Variants in DOCK2 observed in about 807,000 individuals in gnomAD.
DOCK2 encodes dedicator of cytokinesis protein 2.
DOCK2 carries 87 observed loss-of-function variants against 248.9 expected under a neutral mutation model. That is an observed-to-expected ratio of 0.35 (90% CI 0.29 to 0.42). DOCK2 has a LOEUF of 0.42. Among genes scored for constraint, DOCK2 ranks in the 10% least tolerant of loss-of-function variants. The pLI is 1.00. For missense variants in DOCK2, 1,747 were observed against 2,300.2 expected (o/e 0.76, Z 4.92); for synonymous variants, 805 against 821.6 (o/e 0.98, Z 0.35).
Position 169,846,607 on chromosome 5 carries a change from T to C in DOCK2, c.2799+5755T>C, listed in dbSNP as rs200826183. Among the ~76,000 whole-genome samples, 5 of 74,840 alleles carry C rather than the reference T, an allele frequency of 6.7e-5. No individual in the cohort carries two copies. In the East Asian group the frequency reaches 2.2e-3, roughly 32 times the overall value. 49.1% of individuals were successfully genotyped at this position (74,840 alleles called of 152,430 possible). A position where few individuals can be genotyped will look rare whatever the true frequency, so the allele number is the denominator to read the frequency against. ...GTGTATATATATATATACACACACATATACACACACACACACATATATACA... is the reference window on the plus strand; with the variant it reads ...GTGTATATATATATATACACACACACATACACACACACACACATATATACA... On this transcript the variant is annotated intron_variant, in intron 27 of 51. Coordinates refer to ENST00000520908, the MANE Select transcript of DOCK2 (RefSeq NM_004946.3).
chr5:169,712,007 T>C lies in DOCK2; in HGVS notation c.1555T>C (p.Ser519Pro), dbSNP rs1450770032. ...GTTTCGACATCGGTCATCTCTGGAA[T>C]GTGAGTACCATACTGAATGGCATCT... ...FMFRHRSSLE[S>P]KDKGEKNFAM... The change falls in exon 16 of 52, where the codon TCT (serine) becomes CCT (proline). Residue 519 changes from serine (S) to proline (P), a missense_variant and splice_region_variant. Ser to Pro is a moderately conservative substitution (Grantham distance 74). Coordinates refer to ENST00000520908, the MANE Select transcript of DOCK2 (RefSeq NM_004946.3). 1 of 1,614,130 alleles carries C rather than the reference T, an allele frequency of 6.2e-7. No homozygotes were observed. Among genetic ancestry groups the C allele is most frequent in the Admixed American group, 1.7e-5 (1 of 60,024 alleles).
chr5:169,733,033 G>C (rs1581112146), intron 22 of DOCK2, among the ~76,000 whole-genome samples: 1 of 152,034 alleles, frequency 6.6e-6, no homozygotes, highest in Admixed American at 6.5e-5. Flanking sequence ...CAATAATTAT[G>C]TCTGTTATGA....
intron 25 of DOCK2, among the ~76,000 whole-genome samples, chr5:169,789,774 T>C (rs1306772171): frequency 2.0e-5 from 3 of 152,226 alleles, no homozygotes; most frequent in Non-Finnish European, 4.4e-5. Flanking sequence ...AGCCCCTGCC[T>C]CAAGTCTGTC....
chr5:169,965,049 G>A (rs1194909329), intron 27 of DOCK2, among the ~76,000 whole-genome samples: 1 of 152,200 alleles, frequency 6.6e-6, no homozygotes, highest in South Asian at 2.1e-4. Context: ...AACATCTGTT[G>A]AAGCCCTACT....
chr5:170,047,863 C>T (rs1277346473), intron 40 of DOCK2, among the ~76,000 whole-genome samples: 4 of 152,172 alleles, frequency 2.6e-5, no homozygotes, highest in Non-Finnish European at 5.9e-5. Flanking sequence ...TTCCCCGTCA[C>T]TGGAATGAGG....
chr5:169,958,240 G>C (rs62386600), intron 27 of DOCK2, among the ~76,000 whole-genome samples: 1 of 151,534 alleles, frequency 6.6e-6, no homozygotes, highest in Non-Finnish European at 1.5e-5. Context: ...AAAAAAAAAG[G>C]CACCTACCCC....
intron 27 of DOCK2, among the ~76,000 whole-genome samples, chr5:169,958,761 A>G (rs959994805): frequency 6.6e-6 from 1 of 152,206 alleles, no homozygotes; most frequent in Non-Finnish European, 1.5e-5. Context: ...GCATTCAGGC[A>G]GGAGGGGCTG....
intron 6 of DOCK2, among the ~76,000 whole-genome samples, chr5:169,676,831 G>A (rs1045015631): frequency 2.6e-5 from 4 of 152,148 alleles, no homozygotes; most frequent in Non-Finnish European, 4.4e-5. Context: ...TGCACACCTG[G>A]TAGGCCCCAA....
intron 2 of DOCK2, among the ~76,000 whole-genome samples, chr5:169,662,003 G>A (rs1758473656): frequency 1.3e-5 from 2 of 152,304 alleles, no homozygotes; most frequent in East Asian, 3.9e-4. Context: ...TGGATCATAT[G>A]CTAGTTCTAT....
rs76426752 is a variant in DOCK2, at chr5:169,936,282, C to T, written c.2800-46786C>T. Among the ~76,000 whole-genome samples, 186 of 152,292 alleles carry T rather than the reference C, an allele frequency of 1.2e-3. 7 individuals carry two copies. In the East Asian group the frequency reaches 0.034, roughly 28 times the overall value. On this transcript the variant is annotated intron_variant, in intron 27 of 51. Coordinates refer to ENST00000520908, the MANE Select transcript of DOCK2 (RefSeq NM_004946.3). ...AGACAAGATAATGTCCGTGCTTCAACGACAGAGATGGGGCTAGGCTGCAGC... is the reference window on the plus strand; with the variant it reads ...AGACAAGATAATGTCCGTGCTTCAATGACAGAGATGGGGCTAGGCTGCAGC...
chr5:169,736,517 G>A (rs550415929), intron 22 of DOCK2, among the ~76,000 whole-genome samples: 145 of 152,312 alleles, frequency 9.5e-4, no homozygotes, highest in Middle Eastern at 6.8e-3. Flanking sequence ...GCACTGGTTT[G>A]CACCCCAGCC....
intron 26 of DOCK2, 40 bp downstream of exon 26, chr5:169,803,246 T>A (rs1243327504): frequency 6.3e-7 from 1 of 1,589,714 alleles, no homozygotes; most frequent in Non-Finnish European, 8.6e-7. Flanking sequence ...GGACTCAGAC[T>A]AGGGCTAAGT....
chr5:169,922,301 C>T (rs1775218377), intron 27 of DOCK2, among the ~76,000 whole-genome samples: 3 of 152,074 alleles, frequency 2.0e-5, no homozygotes, highest in African/African-American at 7.2e-5. Flanking sequence ...GAAGATGAGC[C>T]CTAATTTATG....
chr5:169,916,068 G>A (rs1774857257), intron 27 of DOCK2, among the ~76,000 whole-genome samples: 1 of 152,128 alleles, frequency 6.6e-6, no homozygotes, highest in African/African-American at 2.4e-5. Flanking sequence ...GAACTCAGAG[G>A]GCTGAATAGA....
chr5:169,693,604 A>C (rs1760432427), intron 9 of DOCK2, among the ~76,000 whole-genome samples: 1 of 152,184 alleles, frequency 6.6e-6, no homozygotes, highest in Admixed American at 6.5e-5. Flanking sequence ...ACGTGAAATA[A>C]TTGGGATCTC....
chr5:169,699,983 G>T, intron 12 of DOCK2, 31 bp from the exon 13 acceptor site: 1 of 1,611,894 alleles, frequency 6.2e-7, no homozygotes, highest in South Asian at 1.1e-5. Context: ...TTGCAAAAGT[G>T]GGCTCTTCAC....
chr5:169,821,065 G>A (rs1768404973), intron 26 of DOCK2, among the ~76,000 whole-genome samples: 1 of 152,148 alleles, frequency 6.6e-6, no homozygotes, highest in African/African-American at 2.4e-5. Context: ...GAGAAGTTTA[G>A]AGAAAAAAGA....
Position 170,083,107 on chromosome 5 carries a change from G to C in DOCK2, c.*249G>C, listed in dbSNP as rs1175019662. On this transcript the variant is annotated 3_prime_UTR_variant, in exon 52 of 52. Transcript: ENST00000520908. ...ATTCCTGAACTCAAGGTACCAGCAAGAATGCCTTCTCCCAGTGTGCTCTCC... is the reference window on the plus strand; with the variant it reads ...ATTCCTGAACTCAAGGTACCAGCAACAATGCCTTCTCCCAGTGTGCTCTCC... 5.9e-6 allele frequency: 3 copies of C among 507,416 alleles called. No homozygotes were observed. Among genetic ancestry groups the C allele is most frequent in the Non-Finnish European group, 1.1e-5 (3 of 284,032 alleles). 31.4% of individuals were successfully genotyped at this position (507,416 alleles called of 1,614,324 possible).
intron 27 of DOCK2, among the ~76,000 whole-genome samples, chr5:169,867,117 C>A (rs756848405): frequency 2.0e-5 from 3 of 152,214 alleles, no homozygotes; most frequent in Non-Finnish European, 2.9e-5. Context: ...ACTGGTGTAT[C>A]ATAAAGGATA....
Sources: gnomAD v4.1 joint callset for allele counts (sites outside exome capture counted in the v4.1 genomes callset) on GRCh38, gnomAD v4.1.1 for gene constraint, MANE v1.5 for transcripts, NCBI Gene and HGNC (gene_info 2026-07-23, HGNC 2026-07-21) for gene names.